Variants in AEBP1 observed in about 807,000 individuals in gnomAD.
AEBP1 encodes AE binding protein 1.
A neutral mutation model predicts 116.5 loss-of-function variants in AEBP1; 69 were observed. The observed-to-expected ratio is 0.59, with a 90% confidence interval of 0.49 to 0.72. The LOEUF (loss-of-function observed/expected upper bound fraction) is 0.72. Ranked by LOEUF, AEBP1 falls within the 30% of genes least tolerant of loss-of-function variation. The pLI is 0.00. For synonymous variants in AEBP1, 627 were observed against 627.3 expected, an observed-to-expected ratio of 1.00 and a Z score of 0.01; for missense variants, 1,444 against 1,557.5, an observed-to-expected ratio of 0.93 and a Z score of 1.23.
chr7:44,111,077 A>G lies in AEBP1; in HGVS notation c.1630+20A>G, dbSNP rs1309315253. 6.2e-7 allele frequency: 1 copy of G among 1,601,354 alleles called. No homozygotes were observed. Among genetic ancestry groups the G allele is most frequent in the South Asian group, 1.1e-5 (1 of 89,278 alleles). ...TGGCCCGTGAGTGTGGAGGGCTGGC[A>G]GGGGCTCTGAGTGGAGGTGGGGTGC... On this transcript the variant is annotated intron_variant, in intron 13 of 20. Coordinates refer to ENST00000223357, the MANE Select transcript of AEBP1 (RefSeq NM_001129.5). The surrounding 1 kb of genome is among the most constrained non-coding windows in gnomAD (Gnocchi z 4.7).
chr7:44,110,795 G>A lies in AEBP1; in HGVS notation c.1471G>A (p.Gly491Ser), dbSNP rs1006949301. 1.3e-6 allele frequency: 2 copies of A among 1,552,828 alleles called. No individual in the cohort carries two copies. The highest frequency in any genetic ancestry group is 2.3e-5 in the East Asian group (1 of 44,202). ...CCAGACATGGGTGATGTACACCAACGGCTATGAGGAAATGGTGGGCACCAT... is the reference window on the plus strand; with the variant it reads ...CCAGACATGGGTGATGTACACCAACAGCTATGAGGAAATGGTGGGCACCAT... ...DSQTWVMYTN[G>S]YEEMTFHGNV... The change falls in exon 12 of 21, where the codon GGC (glycine) becomes AGC (serine). Residue 491 changes from glycine to serine, a missense_variant. Gly to Ser is a moderately conservative substitution (Grantham distance 56). Coordinates refer to ENST00000223357, the MANE Select transcript of AEBP1 (RefSeq NM_001129.5).
rs1474223071 is a variant in AEBP1 at position 44,111,739 on chromosome 7, C to T, written c.1840+109C>T. 1.9e-6 allele frequency: 3 copies of T among 1,540,796 alleles called. No homozygotes were observed. Among genetic ancestry groups the T allele is most frequent in the Non-Finnish European group, 2.6e-6 (3 of 1,139,440 alleles). Reference sequence around the variant, plus strand: ...GGGGATTCTGGCTTGTCTTACAGGGCCCTAGGAGCCCCAGCTGTCCCCCAG... The same window carrying T: ...GGGGATTCTGGCTTGTCTTACAGGGTCCTAGGAGCCCCAGCTGTCCCCCAG... On this transcript the variant is annotated intron_variant, in intron 15 of 20. Coordinates refer to ENST00000223357, the MANE Select transcript of AEBP1 (RefSeq NM_001129.5). The surrounding 1 kb of genome is among the most constrained non-coding windows in gnomAD (Gnocchi z 4.7).
chr7:44,110,521 CCT>C (rs1159234869), intron 11 of AEBP1, among the ~76,000 whole-genome samples, 175 bp downstream of exon 11: 3 of 152,328 alleles, frequency 2.0e-5, no homozygotes, highest in East Asian at 1.9e-4. Context: ...TCAGTCAGCC[CCT>C]GTGTCCTGAT....
rs199888866 is a variant in AEBP1 at position 44,107,521 on chromosome 7, G to T, written c.667+11G>T. ...GGGAGCACCAGCCTGGTGAGTGGCC[G>T]TCATCCGCCTGGCCTTGGGGCCAGC... On this transcript the variant is annotated intron_variant, in intron 3 of 20. Transcript: ENST00000223357. The surrounding 1 kb of genome is among the most constrained non-coding windows in gnomAD (Gnocchi z 4.3). 8.7e-6 allele frequency: 14 copies of T among 1,613,300 alleles called. No individual in the cohort carries two copies. Among genetic ancestry groups the T allele is most frequent in the Non-Finnish European group, 1.2e-5 (14 of 1,179,944 alleles).
rs752782990 is a variant in AEBP1 at position 44,107,804 on chromosome 7, C to G, written c.740-5C>G. 1.2e-6 allele frequency: 2 copies of G among 1,612,248 alleles called. No homozygotes were observed. Among genetic ancestry groups the G allele is most frequent in the African/African-American group, 2.7e-5 (2 of 74,900 alleles). ...GGCCCCACTCTGAGCCAGCCTCCCC[C>G]TCAGTTGAGTACATTCGGCGCCAGA... On this transcript the variant is annotated splice_polypyrimidine_tract_variant and splice_region_variant and intron_variant, in intron 4 of 20. Coordinates refer to ENST00000223357, the MANE Select transcript of AEBP1 (RefSeq NM_001129.5). This position sits in a 1 kb window ranked among gnomAD's most constrained non-coding sequence, Gnocchi z 4.3.
Position 44,113,005 on chromosome 7 carries a change from A to C in AEBP1, c.2584A>C (p.Ser862Arg). The C allele has an allele frequency of 6.2e-7, 1 of 1,614,044 alleles. No individual in the cohort carries two copies. The part of the protein sequence containing the change: ...NPRTGTINDF[S>R]YLHTNCLELS... The stretch of plus-strand genomic sequence containing the variant: ...TCCCCGGCCAGCTATCAATGACTTC[A>C]GTTACCTGCATACCAACTGCCTGGA... The change falls in exon 19 of 21, where the codon AGT (serine) becomes CGT (arginine). Residue 862 changes from serine to arginine, a missense_variant. Ser to Arg is a moderately radical substitution (Grantham distance 110). Transcript: ENST00000223357. The surrounding 1 kb of genome is among the most constrained non-coding windows in gnomAD (Gnocchi z 5.3).
At position 44,112,616 on chromosome 7, in the gene AEBP1, G is replaced by C; in HGVS notation, c.2276G>C (p.Gly759Ala). ...ATGGAGAAGAACCCCTTCGTGCTGG[G>C]AGCAAATCTGAACGGCGGCGAGCGG... ...AWMEKNPFVL[G>A]ANLNGGERLV... Residue 759 changes from glycine to alanine, a missense_variant, in exon 18 of 21, where the codon GGA becomes GCA. Physicochemically the swap from Gly to Ala is moderately conservative, Grantham distance 60. Transcript: ENST00000223357. This position sits in a 1 kb window ranked among gnomAD's most constrained non-coding sequence, Gnocchi z 6.6. 1 of 1,610,056 alleles carries C rather than the reference G, an allele frequency of 6.2e-7. No individual in the cohort carries two copies. Among genetic ancestry groups the C allele is most frequent in the Non-Finnish European group, 8.5e-7 (1 of 1,177,152 alleles).
Position 44,112,887 on chromosome 7 carries a change from C to G in AEBP1, c.2547C>G (p.Ala849=). The G allele has an allele frequency of 6.2e-7, 1 of 1,612,122 alleles. No homozygotes were observed. The highest frequency in any genetic ancestry group is 2.2e-5 in the East Asian group (1 of 44,834). ...YTGGMGIVNG[A]KWNPRTGTIN... Reference sequence around the variant, plus strand: ...GCGGCATGGGCATCGTCAACGGGGCCAAGTGGAACCCCCGGACCGGGAGTG... The same window carrying G: ...GCGGCATGGGCATCGTCAACGGGGCGAAGTGGAACCCCCGGACCGGGAGTG... Residue 849 remains alanine, a synonymous_variant, in exon 18 of 21, where the codon GCC becomes GCG. Coordinates refer to ENST00000223357, the MANE Select transcript of AEBP1 (RefSeq NM_001129.5). The surrounding 1 kb of genome is among the most constrained non-coding windows in gnomAD (Gnocchi z 6.6).
chr7:44,106,398 T>C (rs2096222927), intron 1 of AEBP1, 148 bp from the exon 2 acceptor site: 2 of 943,694 alleles, frequency 2.1e-6, no homozygotes, highest in African/African-American at 3.3e-5. Context: ...GTTTGCCACT[T>C]GGGCAAATGA....
chr7:44,109,786 A>C, intron 9 of AEBP1: 1 of 588,614 alleles, frequency 1.7e-6, no homozygotes, highest in Non-Finnish European at 3.0e-6. Context: ...GGGGCAGCTG[A>C]GGCCCAGGGA....
In AEBP1 at chr7:44,105,000, C is replaced by T. The variant is rs191953268; in HGVS notation, c.253+82C>T. The T allele has an allele frequency of 8.8e-4, 1,015 of 1,154,542 alleles. 7 individuals are homozygous for T. The African/African-American group carries it at 0.013, about 15-fold the overall frequency. 71.5% of individuals were successfully genotyped at this position (1,154,542 alleles called of 1,614,324 possible). A position where few individuals can be genotyped will look rare whatever the true frequency, so the allele number is the denominator to read the frequency against. ...GGGGATTCGGTAGGGTCTGGCCACT[C>T]CCCAGTCTGCTAGGGGAGGAATGGC... is the stretch of plus-strand genomic sequence containing the variant. On this transcript the variant is annotated intron_variant, in intron 1 of 20. Transcript: ENST00000223357.
chr7:44,110,868 C>T (rs1215786602), intron 12 of AEBP1, 45 bp from the exon 13 acceptor site: 2 of 1,613,030 alleles, frequency 1.2e-6, no homozygotes, highest in East Asian at 4.5e-5. Flanking sequence ...GGGGTGGGCT[C>T]TCAGAGGGGC....
chr7:44,112,508 G>A lies in AEBP1; in HGVS notation c.2218-50G>A. 1 of 1,350,578 alleles carries A rather than the reference G, an allele frequency of 7.4e-7. No individual in the cohort carries two copies. Among genetic ancestry groups the A allele is most frequent in the Non-Finnish European group, 9.6e-7 (1 of 1,041,042 alleles). 83.7% of individuals were successfully genotyped at this position (1,350,578 alleles called of 1,614,324 possible). A position where few individuals can be genotyped will look rare whatever the true frequency, so the allele number is the denominator to read the frequency against. The stretch of plus-strand genomic sequence containing the variant: ...TGGAGGGTGATCGGGCTAGGTTGGG[G>A]ATAGTGGCCGGAGCTGCAGCCCTGG... On this transcript the variant is annotated intron_variant, in intron 17 of 20. Transcript: ENST00000223357. This position sits in a 1 kb window ranked among gnomAD's most constrained non-coding sequence, Gnocchi z 6.6.
intron 9 of AEBP1, chr7:44,109,585 C>G (rs960789947): frequency 3.4e-6 from 2 of 589,652 alleles, no homozygotes; most frequent in Non-Finnish European, 6.0e-6. Context: ...AGTGGCTGGG[C>G]GTGGTAGGGG....
Position 44,114,095 on chromosome 7 carries a change from A to T in AEBP1, c.3311A>T (p.Lys1104Met), listed in dbSNP as rs1402780428. Reference protein sequence around the residue: ...GTEVEPEFGTKVEPEFETQLE... With the variant: ...GTEVEPEFGTMVEPEFETQLE... The stretch of plus-strand genomic sequence containing the variant: ...GAGGTGGAGCCCGAGTTTGGGACCA[A>T]GGTGGAGCCCGAGTTTGAGACCCAG... The change falls in exon 21 of 21, where the codon AAG (lysine) becomes ATG (methionine). Residue 1104 changes from lysine (K) to methionine (M), a missense_variant. Transcript: ENST00000223357. 1.9e-6 allele frequency: 3 copies of T among 1,614,018 alleles called. No individual in the cohort carries two copies. Among genetic ancestry groups the T allele is most frequent in the Non-Finnish European group, 2.5e-6 (3 of 1,179,958 alleles).
chr7:44,112,746 G>A lies in AEBP1; in HGVS notation c.2406G>A (p.Glu802=). 6.2e-7 allele frequency: 1 copy of A among 1,613,158 alleles called. No individual in the cohort carries two copies. Among genetic ancestry groups the A allele is most frequent in the South Asian group, 1.1e-5 (1 of 91,078 alleles). The change falls in exon 18 of 21, where the codon GAG becomes GAA. Residue 802 remains glutamate (E), a synonymous_variant. Coordinates refer to ENST00000223357, the MANE Select transcript of AEBP1 (RefSeq NM_001129.5). The surrounding 1 kb of genome is among the most constrained non-coding windows in gnomAD (Gnocchi z 6.6). Reference sequence around the variant, plus strand: ...GGGAGGATGAGGACGAGGTCTCCGAGGCCCAGGAGACTCCAGACCACGCCA... The same window carrying A: ...GGGAGGATGAGGACGAGGTCTCCGAAGCCCAGGAGACTCCAGACCACGCCA... The part of the protein sequence containing the change: ...ARGEDEDEVS[E]AQETPDHAIF...
chr7:44,108,855 G>A lies in AEBP1; in HGVS notation c.941-44G>A, dbSNP rs1298522915. The A allele has an allele frequency of 1.3e-6, 2 of 1,533,384 alleles. No homozygotes were observed. The highest frequency in any genetic ancestry group is 1.2e-5 in the South Asian group (1 of 83,632). The allele number at this position is 1,533,384 out of a possible 1,614,324, so 95.0% of individuals were successfully genotyped here. ...CTGTGGACCCAGGAGCTGAGGCCCC[G>A]CAGCAGGGTCAGGGCAGCCTCAGCT... On this transcript the variant is annotated intron_variant, in intron 6 of 20. Coordinates refer to ENST00000223357, the MANE Select transcript of AEBP1 (RefSeq NM_001129.5). This position sits in a 1 kb window ranked among gnomAD's most constrained non-coding sequence, Gnocchi z 5.0.
rs908895547 is a variant in AEBP1, at chr7:44,104,556, C to T, written c.-110C>T. On this transcript the variant is annotated 5_prime_UTR_variant, in exon 1 of 21. Coordinates refer to ENST00000223357, the MANE Select transcript of AEBP1 (RefSeq NM_001129.5). ...TCGCTCACCCCATCCTCTCTCCCGC[C>T]CCTTCCTGGATTCCCTCACCCGTCT... The T allele has an allele frequency of 1.4e-6, 1 of 690,906 alleles. No individual in the cohort carries two copies. The highest frequency in any genetic ancestry group is 1.9e-5 in the African/African-American group (1 of 52,100). The allele number at this position is 690,906 out of a possible 1,614,324, so 42.8% of individuals were successfully genotyped here.
In AEBP1 at chr7:44,108,006, G is replaced by A; in HGVS notation, c.863-1G>A. ...CCCTCCTAACCTCCCCGCCTCCCCAGAGCCTCCTGTGAAGCCTCTGCTGCC... is the reference window on the plus strand; with the variant it reads ...CCCTCCTAACCTCCCCGCCTCCCCAAAGCCTCCTGTGAAGCCTCTGCTGCC... On this transcript the variant is annotated splice_acceptor_variant, in intron 5 of 20. Transcript: ENST00000223357. LOFTEE classifies it high-confidence loss of function. This position sits in a 1 kb window ranked among gnomAD's most constrained non-coding sequence, Gnocchi z 5.0. 6.3e-7 allele frequency: 1 copy of A among 1,584,346 alleles called. No individual in the cohort carries two copies. The highest frequency in any genetic ancestry group is 8.6e-7 in the Non-Finnish European group (1 of 1,167,026).
Sources: allele counts gnomAD v4.1 joint callset (sites outside exome capture counted in the v4.1 genomes callset), GRCh38; gene constraint gnomAD v4.1.1; non-coding constraint Gnocchi (gnomAD v3.1); transcripts MANE v1.5; gene names NCBI Gene and HGNC (gene_info 2026-07-23, HGNC 2026-07-21).